DPP10: variants seen among roughly 807,000 people sequenced by gnomAD.
The protein encoded by DPP10 is inactive dipeptidyl peptidase 10.
In DPP10, 33 loss-of-function variants were observed where a neutral mutation model predicts 120.9. The observed-to-expected ratio is 0.27, with a 90% CI of 0.21 to 0.37. The LOEUF (loss-of-function observed/expected upper bound fraction) is 0.37. Ranked by LOEUF, DPP10 falls within the 10% of genes least tolerant of loss-of-function variation. DPP10 has a pLI of 1.00. For missense variants in DPP10, 816 were observed against 942.8 expected (o/e 0.87, Z 1.76); for synonymous variants, 337 against 326.1 (o/e 1.03, Z -0.36).
At position 115,075,254 on chromosome 2, in the gene DPP10, T is replaced by A. The variant is rs191443851; in HGVS notation, c.61-233985T>A. Among the ~76,000 whole-genome samples the A allele has an allele frequency of 3.3e-5, 5 of 152,346 alleles. No homozygotes were observed. The East Asian group carries it at 9.6e-4, about 29-fold the overall frequency. On this transcript the variant is annotated intron_variant, in intron 1 of 25. Transcript: ENST00000410059. ...ATCCACAAATTCTCTTTCTTAGAAGTTGTTTAGAAGTAAAAGCAAAGCTGC... is the reference window on the plus strand; with the variant it reads ...ATCCACAAATTCTCTTTCTTAGAAGATGTTTAGAAGTAAAAGCAAAGCTGC...
chr2:115,545,419 G>A (rs2079437904), intron 5 of DPP10, among the ~76,000 whole-genome samples: 2 of 152,078 alleles, frequency 1.3e-5, no homozygotes, highest in Non-Finnish European at 2.9e-5. Flanking sequence ...GAACATTAGA[G>A]CAAGGAGCAA....
intron 5 of DPP10, among the ~76,000 whole-genome samples, chr2:115,607,047 C>T (rs956832550): frequency 5.9e-5 from 9 of 152,122 alleles, no homozygotes; most frequent in African/African-American, 2.2e-4. Flanking sequence ...AGGCAAGGAT[C>T]CTAGGAAGAA....
intron 9 of DPP10, among the ~76,000 whole-genome samples, chr2:115,745,404 T>A (rs1455638325): frequency 1.3e-5 from 2 of 150,542 alleles, no homozygotes; most frequent in African/African-American, 2.4e-5. Flanking sequence ...AATGAAGTGT[T>A]GATTCACTGA....
At chr2:114,472,603 T>G (rs1021801486) in intron 1 of DPP10, among the ~76,000 whole-genome samples, 5 of 152,158 alleles carry the variant, frequency 3.3e-5, no homozygotes, top group African/African-American at 1.2e-4. Context: ...GCCTAATATT[T>G]GTCCTGATAT....
chr2:115,047,741 C>T (rs1453724945), intron 1 of DPP10, among the ~76,000 whole-genome samples: 7 of 152,000 alleles, frequency 4.6e-5, no homozygotes, highest in African/African-American at 1.7e-4. Flanking sequence ...AATTAAAAAA[C>T]CCCAAAGTGA....
chr2:114,705,425 T>C (rs1033454676), intron 1 of DPP10, among the ~76,000 whole-genome samples: 8 of 152,108 alleles, frequency 5.3e-5, no homozygotes, highest in African/African-American at 1.9e-4. Context: ...ATAAGATGTA[T>C]ATTATGTATA....
At chr2:115,572,039 G>T (rs1380614159) in intron 5 of DPP10, among the ~76,000 whole-genome samples, 2 of 151,878 alleles carry the variant, frequency 1.3e-5, no homozygotes, top group African/African-American at 4.8e-5. Flanking sequence ...TCTAATTACA[G>T]TATTGTATAT....
chr2:115,336,277 G>A (rs2063124089), intron 2 of DPP10, among the ~76,000 whole-genome samples: 2 of 151,938 alleles, frequency 1.3e-5, no homozygotes, highest in South Asian at 4.1e-4. Context: ...ATAGAGCACA[G>A]AAAAGAACAT....
At chr2:115,587,680 G>C (rs1331294092) in intron 5 of DPP10, among the ~76,000 whole-genome samples, 1 of 152,152 alleles carries the variant, frequency 6.6e-6, no homozygotes, top group East Asian at 1.9e-4. Context: ...ACAAAATGTA[G>C]TCTATGTATA....
intron 3 of DPP10, among the ~76,000 whole-genome samples, chr2:115,389,683 C>CA (rs1413094218): frequency 6.6e-6 from 1 of 152,108 alleles, no homozygotes; most frequent in Non-Finnish European, 1.5e-5. Context: ...CCACTAGCAG[C>CA]AAAACAACAC....
intron 7 of DPP10, among the ~76,000 whole-genome samples, chr2:115,696,677 T>A (rs1391109787): frequency 6.6e-6 from 1 of 152,118 alleles, no homozygotes. Context: ...GAAATAAAGA[T>A]CCCGGTAAAT....
chr2:114,461,338 T>C (rs1678902644), intron 1 of DPP10, among the ~76,000 whole-genome samples: 1 of 152,186 alleles, frequency 6.6e-6, no homozygotes, highest in African/African-American at 2.4e-5. Flanking sequence ...ACAATGTTCC[T>C]TTTGAGCCAT....
Position 114,765,422 on chromosome 2 carries a change from A to T in DPP10, c.60+322584A>T, listed in dbSNP as rs79355972. Among the ~76,000 whole-genome samples, 27 of 152,254 alleles carry T rather than the reference A, an allele frequency of 1.8e-4. 1 individual carries two copies. The East Asian group carries it at 5.2e-3, about 29-fold the overall frequency. ...CTAATTAATTTATTCACTCTTGCTCATTCATTCTGTAAGTGAGCATTATGT... is the reference window on the plus strand; with the variant it reads ...CTAATTAATTTATTCACTCTTGCTCTTTCATTCTGTAAGTGAGCATTATGT... On this transcript the variant is annotated intron_variant, in intron 1 of 25. Coordinates refer to ENST00000410059, the MANE Select transcript of DPP10 (RefSeq NM_020868.6).
intron 1 of DPP10, chr2:115,233,871 C>T (rs2057864450): frequency 2.0e-6 from 1 of 497,076 alleles, no homozygotes; most frequent in Non-Finnish European, 4.0e-6. Context: ...CACACATACC[C>T]CATTTCTGCT....
Position 115,103,933 on chromosome 2 carries a change from C to A in DPP10, c.61-205306C>A, listed in dbSNP as rs915588973. Reference sequence around the variant, plus strand: ...TCAGATGCTTTAATATTTGCATATACTGTACCTAATGAGATATCTTTGGAA... The same window carrying A: ...TCAGATGCTTTAATATTTGCATATAATGTACCTAATGAGATATCTTTGGAA... On this transcript the variant is annotated intron_variant, in intron 1 of 25. Transcript: ENST00000410059. Among the ~76,000 whole-genome samples, 8 of 152,230 alleles carry A rather than the reference C, an allele frequency of 5.3e-5. No individual in the cohort carries two copies. In the South Asian group the frequency reaches 1.7e-3, roughly 32 times the overall value.
chr2:115,647,044 G>A (rs935078192), intron 5 of DPP10, among the ~76,000 whole-genome samples: 16 of 152,222 alleles, frequency 1.1e-4, no homozygotes, highest in Admixed American at 1.0e-3. Flanking sequence ...TGAAACAAAA[G>A]TCATGTCACC....
At chr2:115,348,003 A>G (rs1262617833) in intron 3 of DPP10, among the ~76,000 whole-genome samples, 1 of 152,028 alleles carries the variant, frequency 6.6e-6, no homozygotes, top group African/African-American at 2.4e-5. Context: ...AAGTTTTTGT[A>G]ACCTTTCCTG....
chr2:115,415,972 G>GCA (rs2069391699), intron 3 of DPP10, among the ~76,000 whole-genome samples: 1 of 150,078 alleles, frequency 6.7e-6, no homozygotes, highest in African/African-American at 2.5e-5. Flanking sequence ...TTTTGGAATT[G>GCA]CACTATTTCT....
chr2:115,712,515 A>G (rs1365086352), intron 7 of DPP10, among the ~76,000 whole-genome samples: 1 of 71,450 alleles, frequency 1.4e-5, no homozygotes, highest in Non-Finnish European at 2.8e-5. Context: ...CAATGAAATT[A>G]GAAATAGCTT....
Sources: allele counts gnomAD v4.1 joint callset (sites outside exome capture counted in the v4.1 genomes callset), GRCh38; gene constraint gnomAD v4.1.1; transcripts MANE v1.5; gene names NCBI Gene and HGNC (gene_info 2026-07-23, HGNC 2026-07-21).